NRXN1: variants seen among roughly 807,000 people sequenced by gnomAD.
NRXN1 encodes neurexin 1.
NRXN1 carries 39 observed loss-of-function variants against 150.9 expected under a neutral mutation model. The observed-to-expected ratio is 0.26, with a 90% CI of 0.20 to 0.34. NRXN1 has a LOEUF of 0.34. Among genes scored for constraint, NRXN1 ranks in the 10% least tolerant of loss-of-function variants. The probability of loss-of-function intolerance (pLI) is 1.00; values close to 1 mark genes in which losing one functional copy is unlikely to be tolerated. For synonymous variants in NRXN1, 924 were observed against 757.0 expected (o/e 1.22, Z -3.62); for missense variants, 1,815 against 1,949.9 (o/e 0.93, Z 1.30).
chr2:50,704,477 C>T (rs1694170160), intron 5 of NRXN1, among the ~76,000 whole-genome samples: 1 of 151,666 alleles, frequency 6.6e-6, no homozygotes, highest in African/African-American at 2.4e-5. Context: ...AAGAGAGTTA[C>T]TTTTCTAAAG....
At chr2:50,288,150 A>G (rs2072439734) in intron 17 of NRXN1, among the ~76,000 whole-genome samples, 1 of 152,190 alleles carries the variant, frequency 6.6e-6, no homozygotes, top group Non-Finnish European at 1.5e-5. Flanking sequence ...ATAACTTTCC[A>G]TCAAACATTT....
At chr2:50,043,788 T>C (rs1691385977) in intron 21 of NRXN1, among the ~76,000 whole-genome samples, 1 of 152,166 alleles carries the variant, frequency 6.6e-6, no homozygotes, top group Non-Finnish European at 1.5e-5. Context: ...GCACAACACA[T>C]AGAGACTCCT....
chr2:50,963,158 G>T (rs1240364480), intron 2 of NRXN1, among the ~76,000 whole-genome samples: 1 of 151,534 alleles, frequency 6.6e-6, no homozygotes, highest in African/African-American at 2.4e-5. Context: ...ATCTGACTAG[G>T]AATTGCCTCA....
chr2:50,145,904 T>C (rs763434736), intron 18 of NRXN1, among the ~76,000 whole-genome samples: 2 of 151,748 alleles, frequency 1.3e-5, no homozygotes, highest in African/African-American at 2.4e-5. Context: ...ATAGGTGATA[T>C]GGTACTACTT....
chr2:50,544,117 A>C (rs2093443402), intron 9 of NRXN1, among the ~76,000 whole-genome samples: 2 of 152,242 alleles, frequency 1.3e-5, no homozygotes, highest in Non-Finnish European at 2.9e-5. Context: ...ATCTATACTT[A>C]ATTCTGCTCC....
intron 2 of NRXN1, among the ~76,000 whole-genome samples, chr2:50,984,906 G>A (rs1483009786): frequency 6.6e-6 from 1 of 152,014 alleles, no homozygotes; most frequent in African/African-American, 2.4e-5. Context: ...ATACTTTATA[G>A]ATCTAGAACT....
chr2:50,302,074 C>G (rs978057265), intron 17 of NRXN1, among the ~76,000 whole-genome samples: 6 of 150,840 alleles, frequency 4.0e-5, no homozygotes, highest in Admixed American at 6.6e-5. Context: ...CTTTTAAGAA[C>G]CAGAAGTTGT....
chr2:50,316,743 G>C (rs1428656551), intron 17 of NRXN1, among the ~76,000 whole-genome samples: 1 of 151,938 alleles, frequency 6.6e-6, no homozygotes, highest in African/African-American at 2.4e-5. Context: ...GATTTAATGA[G>C]AAATACAAAT....
chr2:50,177,545 G>C (rs528261469), intron 18 of NRXN1, among the ~76,000 whole-genome samples: 19 of 151,754 alleles, frequency 1.3e-4, no homozygotes, highest in Admixed American at 7.9e-4. Flanking sequence ...GATGTAAACA[G>C]AGCTAAAATA....
At chr2:50,443,613 T>C (rs939362085) in intron 17 of NRXN1, among the ~76,000 whole-genome samples, 4 of 152,166 alleles carry the variant, frequency 2.6e-5, no homozygotes, top group African/African-American at 7.2e-5. Flanking sequence ...GCCTAAGCAT[T>C]TGAAAATCTC....
intron 5 of NRXN1, among the ~76,000 whole-genome samples, chr2:50,764,515 C>T (rs1702171129): frequency 6.6e-6 from 1 of 151,958 alleles, no homozygotes; most frequent in African/African-American, 2.4e-5. Flanking sequence ...AGATATTCTG[C>T]TATCTTTTTC....
chr2:51,022,618 A>C (rs1380255827), intron 2 of NRXN1, among the ~76,000 whole-genome samples: 4 of 152,134 alleles, frequency 2.6e-5, no homozygotes, highest in African/African-American at 7.2e-5. Flanking sequence ...TCTGTGACTC[A>C]GAGCCTTCTC....
In NRXN1 at chr2:50,792,365, C is replaced by T. The variant is rs557118760; in HGVS notation, c.832+129504G>A. On this transcript the variant is annotated intron_variant, in intron 5 of 22. Coordinates refer to ENST00000401669, the MANE Select transcript of NRXN1 (RefSeq NM_001330078.2). Reference sequence around the variant, plus strand: ...TCAATCCATGATTTAGAGATCATGTCCATCTTGATCACCACTTTATCTCTG... The same window carrying T: ...TCAATCCATGATTTAGAGATCATGTTCATCTTGATCACCACTTTATCTCTG... Among the ~76,000 whole-genome samples the T allele has an allele frequency of 3.9e-5, 6 of 152,116 alleles. No homozygotes were observed. The South Asian group carries it at 1.2e-3, about 32-fold the overall frequency.
At position 50,520,234 on chromosome 2, in the gene NRXN1, ATGT is replaced by A. The variant is rs901986625; in HGVS notation, c.2374+8388_2374+8390del. 1.0e-3 allele frequency among the ~76,000 whole-genome samples: 156 copies of A among 152,028 alleles called. 1 individual carries two copies. Among genetic ancestry groups the A allele is most frequent in the African/African-American group, 3.7e-3 (153 of 41,542 alleles). On this transcript the variant is annotated intron_variant, in intron 12 of 22. Transcript: ENST00000401669. ...AATACTATTTCTGATTAGGAACAAA[ATGT>A]TGTTCTGAAAGATATTCATTCTATT...
chr2:50,600,359 C>T (rs1676047477), intron 8 of NRXN1, among the ~76,000 whole-genome samples: 1 of 135,540 alleles, frequency 7.4e-6, no homozygotes, highest in Admixed American at 8.1e-5. Flanking sequence ...GAGTCTCACT[C>T]TGTTACCCAG....
intron 8 of NRXN1, chr2:50,616,105 A>G (rs1194039407): frequency 1.3e-5 from 2 of 152,034 alleles, no homozygotes; most frequent in African/African-American, 4.8e-5. Flanking sequence ...TCAAATTTAA[A>G]CCTGTGAGTC....
chr2:50,095,996 C>T (rs1490471064), intron 18 of NRXN1, among the ~76,000 whole-genome samples: 1 of 135,576 alleles, frequency 7.4e-6, no homozygotes, highest in South Asian at 2.4e-4. Flanking sequence ...TCCAAGTGTT[C>T]TCATATCATT....
At chr2:50,689,641 T>G (rs1167799945) in intron 5 of NRXN1, among the ~76,000 whole-genome samples, 1 of 152,134 alleles carries the variant, frequency 6.6e-6, no homozygotes. Context: ...CTCAATAAGC[T>G]TTAGGTAGCA....
intron 17 of NRXN1, among the ~76,000 whole-genome samples, chr2:50,437,034 T>C (rs893228860): frequency 6.6e-5 from 10 of 152,142 alleles, no homozygotes; most frequent in African/African-American, 2.4e-4. Context: ...TGCTTGACAA[T>C]ATGCTGCTAG....
Sources: allele counts gnomAD v4.1 joint callset (sites outside exome capture counted in the v4.1 genomes callset), GRCh38; gene constraint gnomAD v4.1.1; transcripts MANE v1.5; gene names NCBI Gene and HGNC (gene_info 2026-07-23, HGNC 2026-07-21).